PDE2A: variants seen among roughly 807,000 people sequenced by gnomAD.
The protein encoded by PDE2A is cGMP-dependent 3',5'-cyclic phosphodiesterase.
In PDE2A, 53 loss-of-function variants were observed where a neutral mutation model predicts 133.6. That is an observed-to-expected ratio of 0.40 (90% CI 0.32 to 0.50). The LOEUF (loss-of-function observed/expected upper bound fraction) is 0.50, where lower values mean the gene tolerates loss of function less well. Among genes scored for constraint, PDE2A ranks in the 20% least tolerant of loss-of-function variants. The pLI, the probability that PDE2A is intolerant of heterozygous loss-of-function variation, is 0.73. For synonymous variants in PDE2A, 491 were observed against 490.2 expected (o/e 1.00, Z -0.02); for missense variants, 796 against 1,232.4 (o/e 0.65, Z 5.30).
In PDE2A at chr11:72,577,248, G is replaced by A; in HGVS notation, c.*136C>T. ...AGACGAGAAAGCTGAGGCCCAGGAA[G>A]GTAGTACTTGTCCAGGGTCACACAG... is the stretch of plus-strand genomic sequence containing the variant. On this transcript the variant is annotated 3_prime_UTR_variant, in exon 31 of 31. Coordinates refer to ENST00000334456, the MANE Select transcript of PDE2A (RefSeq NM_002599.5). The A allele has an allele frequency of 4.8e-6, 3 of 628,418 alleles. No individual in the cohort carries two copies. In the South Asian group the frequency reaches 5.8e-5, roughly 12 times the overall value. The allele number at this position is 628,418 out of a possible 1,614,324, so 38.9% of individuals were successfully genotyped here.
chr11:72,638,493 G>A (rs1429236947), intron 2 of PDE2A, among the ~76,000 whole-genome samples: 1 of 152,078 alleles, frequency 6.6e-6, no homozygotes. Flanking sequence ...GTGCACATGC[G>A]GAGCCCCACA....
chr11:72,597,683 G>A lies in PDE2A; in HGVS notation c.324-64C>T. 1 of 1,096,532 alleles carries A rather than the reference G, an allele frequency of 9.1e-7. No homozygotes were observed. Among genetic ancestry groups the A allele is most frequent in the East Asian group, 2.5e-5 (1 of 40,512 alleles). The allele number at this position is 1,096,532 out of a possible 1,614,324, so 67.9% of individuals were successfully genotyped here. ...CTCAGGGAGGAACGAGGCCTGGCCT[G>A]GGAACACAGGACAGTTTGGACCCTG... is the stretch of plus-strand genomic sequence containing the variant. On this transcript the variant is annotated intron_variant, in intron 4 of 30. Transcript: ENST00000334456. This position sits in a 1 kb window ranked among gnomAD's most constrained non-coding sequence, Gnocchi z 4.6.
chr11:72,589,244 G>C lies in PDE2A; in HGVS notation c.874-4C>G, dbSNP rs760471415. The C allele has an allele frequency of 1.2e-6, 2 of 1,611,916 alleles. No homozygotes were observed. The highest frequency in any genetic ancestry group is 1.3e-5 in the African/African-American group (1 of 74,870). ...CCTGGCCCAGGCATCCTGTCAACTA[G>C]GGGGTGAGGAGAGACTGAGTCAGGG... On this transcript the variant is annotated splice_region_variant and splice_polypyrimidine_tract_variant and intron_variant, in intron 11 of 30. Transcript: ENST00000334456.
intron 1 of PDE2A, among the ~76,000 whole-genome samples, chr11:72,660,844 AG>A (rs565192040): frequency 2.6e-5 from 4 of 152,068 alleles, no homozygotes; most frequent in Non-Finnish European, 5.9e-5. Context: ...CAAGCAGAGA[AG>A]GTGAGTGAGT....
chr11:72,585,979 G>C, intron 14 of PDE2A, 91 bp downstream of exon 14: 1 of 796,118 alleles, frequency 1.3e-6, no homozygotes, highest in Non-Finnish European at 2.2e-6. Flanking sequence ...CACCAGTCCA[G>C]AAAGACATGG....
chr11:72,664,850 A>G (rs1399646191), intron 1 of PDE2A, among the ~76,000 whole-genome samples: 6 of 151,668 alleles, frequency 4.0e-5, no homozygotes, highest in African/African-American at 1.5e-4. Flanking sequence ...CTTGTTGCCT[A>G]GGCTGGAATG....
intron 1 of PDE2A, among the ~76,000 whole-genome samples, chr11:72,657,012 CTT>C (rs1487941054): frequency 6.6e-6 from 1 of 152,204 alleles, no homozygotes; most frequent in Admixed American, 6.5e-5. Context: ...GCATCTCACA[CTT>C]AGGCCACTCT....
chr11:72,607,449 C>A (rs1286927132), intron 3 of PDE2A, among the ~76,000 whole-genome samples: 2 of 152,166 alleles, frequency 1.3e-5, no homozygotes, highest in Admixed American at 1.3e-4. Flanking sequence ...TTGCCTTAGT[C>A]CCGTCCTTCT....
Position 72,588,892 on chromosome 11 carries a change from C to G in PDE2A, c.962G>C (p.Ser321Thr), listed in dbSNP as rs750191525. The G allele has an allele frequency of 2.5e-6, 4 of 1,607,922 alleles. No homozygotes were observed. The Admixed American group carries it at 6.7e-5, about 27-fold the overall frequency. ...LTSEDVQQLQ[S>T]MLGCELQAML... ...GGCCTGCAGCTCACAGCCCAACATG[C>G]TCTGCAGCTGTTGTACATCCTCCTG... The change falls in exon 13 of 31, where the codon AGC (serine) becomes ACC (threonine). Residue 321 changes from serine (S) to threonine (T), a missense_variant. This residue lies in a region of PDE2A where 417 missense variants were observed against 475.3 expected (regional missense o/e 0.88). Coordinates refer to ENST00000334456, the MANE Select transcript of PDE2A (RefSeq NM_002599.5).
chr11:72,620,871 G>A (rs1263046292), intron 2 of PDE2A, among the ~76,000 whole-genome samples: 1 of 151,838 alleles, frequency 6.6e-6, no homozygotes, highest in Admixed American at 6.6e-5. Flanking sequence ...GAAGTTGGGG[G>A]AGAGGGAGAG....
In PDE2A at chr11:72,598,413, G is replaced by T. The variant is rs559701501; in HGVS notation, c.324-794C>A. ...AGGGGTGGTGGGAACCAAGGCAGGG[G>T]AGGTTGGTATGGGAAGAATGAGTTT... On this transcript the variant is annotated intron_variant, in intron 4 of 30. Transcript: ENST00000334456. 6.7e-6 allele frequency: 6 copies of T among 895,586 alleles called. No individual in the cohort carries two copies. In the African/African-American group the frequency reaches 1.0e-4, roughly 15 times the overall value. 55.5% of individuals were successfully genotyped at this position (895,586 alleles called of 1,614,324 possible). A position where few individuals can be genotyped will look rare whatever the true frequency, so the allele number is the denominator to read the frequency against.
chr11:72,621,825 C>A (rs1857784491), intron 2 of PDE2A: 1 of 152,090 alleles, frequency 6.6e-6, no homozygotes, highest in African/African-American at 2.4e-5. Context: ...CCGGAAAGCT[C>A]CCCCCACCAA....
chr11:72,647,865 G>A (rs965712573), intron 1 of PDE2A, among the ~76,000 whole-genome samples: 3 of 152,210 alleles, frequency 2.0e-5, no homozygotes, highest in African/African-American at 7.2e-5. Context: ...GTATCCTTGT[G>A]AGGGTGTGTG....
At chr11:72,583,352 T>G in intron 20 of PDE2A, 86 bp downstream of exon 20, 4 of 942,384 alleles carry the variant, frequency 4.2e-6, no homozygotes, top group Non-Finnish European at 7.0e-6. Flanking sequence ...CCTCTCATCC[T>G]CAGTAGAGAT....
At chr11:72,639,654 G>C (rs1450857302) in intron 2 of PDE2A, among the ~76,000 whole-genome samples, 2 of 152,186 alleles carry the variant, frequency 1.3e-5, no homozygotes, top group African/African-American at 2.4e-5. Flanking sequence ...CCAAACACCA[G>C]TCAAACTAAG....
chr11:72,674,231 A>T lies in PDE2A; in HGVS notation c.-24T>A. 1 of 1,600,542 alleles carries T rather than the reference A, an allele frequency of 6.2e-7. No individual in the cohort carries two copies. Among genetic ancestry groups the T allele is most frequent in the Non-Finnish European group, 8.5e-7 (1 of 1,176,818 alleles). ...ATCACTCCTCATCGTCCGCCTCCCC[A>T]GCCAGACTAAGGTGGCACCTCGCCC... On this transcript the variant is annotated 5_prime_UTR_variant, in exon 1 of 31. Transcript: ENST00000334456.
In PDE2A at chr11:72,626,620, C is replaced by A. The variant is rs75204679; in HGVS notation, c.144+15634G>T. 2.2e-3 allele frequency among the ~76,000 whole-genome samples: 332 copies of A among 152,314 alleles called. 1 individual carries two copies. Among genetic ancestry groups the A allele is most frequent in the African/African-American group, 7.8e-3 (323 of 41,550 alleles). On this transcript the variant is annotated intron_variant, in intron 2 of 30. Coordinates refer to ENST00000334456, the MANE Select transcript of PDE2A (RefSeq NM_002599.5). The stretch of plus-strand genomic sequence containing the variant: ...GTAAGCTATGCTCGTATACTCGGAG[C>A]CTTCTCCCCTCCCACTCCTGCCCAC...
rs1222279633 is a variant in PDE2A, at chr11:72,627,746, C to T, written c.144+14508G>A. ...GGATGTCAGTGCCCTCATCCACGTC[C>T]GCCTCTCCCCATGCCCCCATCCCAG... On this transcript the variant is annotated intron_variant, in intron 2 of 30. Transcript: ENST00000334456. Among the ~76,000 whole-genome samples the T allele has an allele frequency of 3.9e-5, 6 of 152,200 alleles. No individual in the cohort carries two copies. In the East Asian group the frequency reaches 5.8e-4, roughly 15 times the overall value.
At chr11:72,644,115 C>T (rs1205730583) in intron 1 of PDE2A, among the ~76,000 whole-genome samples, 3 of 152,322 alleles carry the variant, frequency 2.0e-5, no homozygotes, top group African/African-American at 4.8e-5. Context: ...ATCCTTCCCT[C>T]CTGCCTGTCA....
Sources: gnomAD v4.1 joint callset for allele counts (sites outside exome capture counted in the v4.1 genomes callset) on GRCh38, gnomAD v4.1.1 for gene constraint, gnomAD v4.1.1 regional missense constraint, Gnocchi (gnomAD v3.1) non-coding constraint, MANE v1.5 for transcripts, NCBI Gene and HGNC (gene_info 2026-07-23, HGNC 2026-07-21) for gene names.